SIMC1: variants seen among roughly 807,000 people sequenced by gnomAD.
The protein encoded by SIMC1 is SUMO-interacting motif-containing protein 1.
A neutral mutation model predicts 82.3 loss-of-function variants in SIMC1; 55 were observed. That is an observed-to-expected ratio of 0.67 (90% CI 0.54 to 0.84). SIMC1 has a LOEUF of 0.84. SIMC1 is among the 40% of genes least tolerant of loss of function. The pLI is 0.00. For synonymous variants in SIMC1, 353 were observed against 426.3 expected (o/e 0.83, Z 2.12); for missense variants, 915 against 1,107.2 (o/e 0.83, Z 2.46).
rs928176997 is a variant in SIMC1 at position 176,308,844 on chromosome 5, A to G, written c.1735-4847A>G. 4 of 1,250,084 alleles carry G rather than the reference A, an allele frequency of 3.2e-6. No individual in the cohort carries two copies. In the African/African-American group the frequency reaches 5.9e-5, roughly 18 times the overall value. 77.4% of individuals were successfully genotyped at this position (1,250,084 alleles called of 1,614,324 possible). A position where few individuals can be genotyped will look rare whatever the true frequency, so the allele number is the denominator to read the frequency against. On this transcript the variant is annotated intron_variant, in intron 4 of 9. Transcript: ENST00000429602. ...CCTTACACATCTGGACTCATAACCAAGATCCATAATGGCTCAGTGTTTACC... is the reference window on the plus strand; with the variant it reads ...CCTTACACATCTGGACTCATAACCAGGATCCATAATGGCTCAGTGTTTACC...
chr5:176,323,278 C>G (rs769771975), intron 6 of SIMC1, among the ~76,000 whole-genome samples: 1 of 152,180 alleles, frequency 6.6e-6, no homozygotes, highest in East Asian at 1.9e-4. Context: ...TTCTCCCACA[C>G]GGGCCACATA....
chr5:176,324,850 T>C, intron 7 of SIMC1, 93 bp downstream of exon 7: 1 of 1,385,840 alleles, frequency 7.2e-7, no homozygotes, highest in Non-Finnish European at 9.6e-7. Context: ...CTTTTCTATC[T>C]ATGCTACCTG....
At chr5:176,287,673 A>G (rs868370617) in intron 1 of SIMC1, among the ~76,000 whole-genome samples, 11 of 151,916 alleles carry the variant, frequency 7.2e-5, no homozygotes, top group African/African-American at 1.7e-4. Context: ...AAATGTAAGC[A>G]AACACTTAAA....
intron 1 of SIMC1, among the ~76,000 whole-genome samples, chr5:176,283,232 C>T (rs1024948180): frequency 6.6e-6 from 1 of 152,056 alleles, no homozygotes; most frequent in Admixed American, 6.6e-5. Context: ...TCAGATTCAA[C>T]AAAGTTGAAA....
chr5:176,243,646 C>T (rs1288905201), intron 1 of SIMC1, among the ~76,000 whole-genome samples: 1 of 151,998 alleles, frequency 6.6e-6, no homozygotes, highest in Admixed American at 6.5e-5. Context: ...CCTCAGCCTC[C>T]CGAGTAGCCG....
At chr5:176,332,921 C>T (rs1345440610) in intron 7 of SIMC1, among the ~76,000 whole-genome samples, 1 of 152,160 alleles carries the variant, frequency 6.6e-6, no homozygotes, top group Non-Finnish European at 1.5e-5. Context: ...TATAGCCACA[C>T]CCACTTCCCT....
At chr5:176,259,526 A>G (rs1400032247) in intron 1 of SIMC1, among the ~76,000 whole-genome samples, 1 of 152,214 alleles carries the variant, frequency 6.6e-6, no homozygotes, top group Non-Finnish European at 1.5e-5. Context: ...TAATCCCAAC[A>G]CTTTGGGAGG....
At chr5:176,275,261 G>T (rs1264277345) in intron 1 of SIMC1, among the ~76,000 whole-genome samples, 1 of 151,870 alleles carries the variant, frequency 6.6e-6, no homozygotes, top group East Asian at 1.9e-4. Flanking sequence ...GTTCACTCAT[G>T]ATTTGGCTCT....
intron 8 of SIMC1, 48 bp downstream of exon 8, chr5:176,336,924 T>C (rs1397571207): frequency 6.2e-7 from 1 of 1,609,994 alleles, no homozygotes; most frequent in East Asian, 2.2e-5. Context: ...CTCTCTTTGC[T>C]CTAGGCCCGA....
At position 176,284,342 on chromosome 5, in the gene SIMC1, T is replaced by C. The variant is rs550582148; in HGVS notation, c.130-5312T>C. On this transcript the variant is annotated intron_variant, in intron 1 of 9. Coordinates refer to ENST00000429602, the MANE Select transcript of SIMC1 (RefSeq NM_001308195.2). ...AACTGTTTCTCAGACCACAGTGCAA[T>C]CAAACTAGAACTCAGGATTAAGAAA... is the stretch of plus-strand genomic sequence containing the variant. Among the ~76,000 whole-genome samples, 4 of 152,310 alleles carry C rather than the reference T, an allele frequency of 2.6e-5. No individual in the cohort carries two copies. In the East Asian group the frequency reaches 7.7e-4, roughly 29 times the overall value.
intron 4 of SIMC1, chr5:176,308,331 G>A (rs1252421741): frequency 1.4e-5 from 21 of 1,502,052 alleles, no homozygotes; most frequent in Non-Finnish European, 1.9e-5. Flanking sequence ...GAAGGACCAA[G>A]TAGAAATTTC....
chr5:176,305,528 G>T (rs1479655442), intron 4 of SIMC1, among the ~76,000 whole-genome samples: 2 of 141,864 alleles, frequency 1.4e-5, no homozygotes, highest in East Asian at 2.2e-4. Flanking sequence ...CTGGGAGGGA[G>T]GTGGGGGGGT....
chr5:176,304,750 C>T (rs1212450039), intron 4 of SIMC1, among the ~76,000 whole-genome samples: 3 of 151,482 alleles, frequency 2.0e-5, no homozygotes, highest in Non-Finnish European at 4.4e-5. Context: ...AGGAGCGCCT[C>T]TTCCCAGCCG....
chr5:176,343,637 T>G (rs566028436), intron 9 of SIMC1, among the ~76,000 whole-genome samples: 75 of 152,382 alleles, frequency 4.9e-4, no homozygotes, highest in African/African-American at 1.7e-3. Flanking sequence ...TATATACCAT[T>G]TTTTCTGAAA....
intron 1 of SIMC1, among the ~76,000 whole-genome samples, chr5:176,262,517 A>G (rs1169856058): frequency 6.6e-6 from 1 of 152,192 alleles, no homozygotes; most frequent in African/African-American, 2.4e-5. Context: ...GAAAAGAAAG[A>G]TACAGGGCCG....
intron 5 of SIMC1, among the ~76,000 whole-genome samples, chr5:176,321,509 A>G (rs1765157216): frequency 1.3e-5 from 2 of 151,716 alleles, no homozygotes; most frequent in South Asian, 4.2e-4. Context: ...GATATTTTTC[A>G]AAAGTTATTT....
intron 1 of SIMC1, among the ~76,000 whole-genome samples, chr5:176,275,248 G>A (rs982975537): frequency 5.3e-5 from 8 of 151,748 alleles, no homozygotes; most frequent in African/African-American, 1.9e-4. Flanking sequence ...ATTGTGAATG[G>A]GAGTTCACTC....
intron 6 of SIMC1, among the ~76,000 whole-genome samples, chr5:176,324,018 G>A (rs988155366): frequency 1.3e-5 from 2 of 149,616 alleles, no homozygotes; most frequent in Non-Finnish European, 3.0e-5. Context: ...AAAAAAACAC[G>A]TGTTAGAAAA....
At chr5:176,320,443 C>T (rs1291600873) in intron 5 of SIMC1, among the ~76,000 whole-genome samples, 1 of 152,078 alleles carries the variant, frequency 6.6e-6, no homozygotes, top group Non-Finnish European at 1.5e-5. Context: ...TCACAGCTCA[C>T]TGCAGCTTTG....
Sources: gnomAD v4.1 joint callset for allele counts (sites outside exome capture counted in the v4.1 genomes callset) on GRCh38, gnomAD v4.1.1 for gene constraint, MANE v1.5 for transcripts, NCBI Gene and HGNC (gene_info 2026-07-23, HGNC 2026-07-21) for gene names.